The following SF3B3 variants were observed in gnomAD, a reference collection of about 807,000 sequenced individuals.
SF3B3 encodes splicing factor 3b subunit 3, also known as SAP 130.
Under a neutral mutation model 139.2 loss-of-function variants are expected in SF3B3, and 33 were observed. The observed-to-expected ratio is 0.24, with a 90% CI of 0.18 to 0.32. The LOEUF (loss-of-function observed/expected upper bound fraction) is 0.32. Ranked by LOEUF, SF3B3 falls within the 10% of genes least tolerant of loss-of-function variation. The pLI is 1.00. For missense variants in SF3B3, 818 were observed against 1,509.4 expected (o/e 0.54, Z 7.59); for synonymous variants, 596 against 563.6 (o/e 1.06, Z -0.81).
At chr16:70,558,615 G>C (rs998607121) in intron 15 of SF3B3, among the ~76,000 whole-genome samples, 39 of 151,842 alleles carry the variant, frequency 2.6e-4, no homozygotes, top group Non-Finnish European at 2.9e-5. Flanking sequence ...TTTCTTCCTT[G>C]ACACAGAGTC....
At chr16:70,560,246 AGT>A (rs1379868022) in intron 15 of SF3B3, 3 of 319,236 alleles carry the variant, frequency 9.4e-6, no homozygotes, top group East Asian at 6.3e-5. Flanking sequence ...GTGAAAAATA[AGT>A]GTGTATTTAC....
intron 17 of SF3B3, chr16:70,563,611 CT>C (rs1016639377): frequency 2.8e-6 from 1 of 359,454 alleles, no homozygotes; most frequent in Non-Finnish European, 5.0e-6. Flanking sequence ...TAAAAAAAAA[CT>C]TTTGACAATC....
At position 70,561,710 on chromosome 16, in the gene SF3B3, A is replaced by G. The variant is rs368913645; in HGVS notation, c.2214A>G (p.Thr738=). The G allele has an allele frequency of 2.5e-6, 4 of 1,613,726 alleles. No homozygotes were observed. Among genetic ancestry groups the G allele is most frequent in the South Asian group, 2.2e-5 (2 of 91,078 alleles). ...ATCTCACCCCACTGTCTTACGAGAC[A>G]CTGGAATTTGCATCGGGTTTTGCCT... is the stretch of plus-strand genomic sequence containing the variant. The part of the protein sequence containing the change: ...RFHLTPLSYE[T]LEFASGFASE... The change falls in exon 17 of 26, where the codon ACA becomes ACG. Residue 738 remains threonine, a synonymous_variant. Coordinates refer to ENST00000302516, the MANE Select transcript of SF3B3 (RefSeq NM_012426.5).
intron 13 of SF3B3, 80 bp downstream of exon 13, chr16:70,555,286 A>C: frequency 7.6e-7 from 1 of 1,308,174 alleles, no homozygotes; most frequent in South Asian, 1.2e-5. Context: ...AGTCATTTAG[A>C]TGATAGTATG....
intron 25 of SF3B3, among the ~76,000 whole-genome samples, 184 bp from the exon 26 acceptor site, chr16:70,571,489 C>G (rs968126977): frequency 6.6e-6 from 1 of 152,104 alleles, no homozygotes; most frequent in Admixed American, 6.6e-5. Flanking sequence ...AGGCTGAGCC[C>G]CAGATTTTGA....
At position 70,565,315 on chromosome 16, in the gene SF3B3, A is replaced by C. The variant is rs74026081; in HGVS notation, c.2669+45A>C. 2.7e-3 allele frequency: 4,336 copies of C among 1,613,426 alleles called. 121 individuals are homozygous for C. The African/African-American group carries it at 0.052, about 19-fold the overall frequency. On this transcript the variant is annotated intron_variant, in intron 19 of 25. Transcript: ENST00000302516. ...CCAGGGTTTGGCAGGCTGGAACAGGAGCTCTCTGAGTTTTGACTAAGGCCT... is the reference window on the plus strand; with the variant it reads ...CCAGGGTTTGGCAGGCTGGAACAGGCGCTCTCTGAGTTTTGACTAAGGCCT...
chr16:70,534,894 C>A (rs2050152290), intron 5 of SF3B3, among the ~76,000 whole-genome samples: 2 of 152,134 alleles, frequency 1.3e-5, no homozygotes, highest in African/African-American at 4.8e-5. Flanking sequence ...GTCTCGAACT[C>A]CTGACCTCAG....
chr16:70,531,021 A>T, intron 4 of SF3B3, 104 bp downstream of exon 4: 1 of 995,272 alleles, frequency 1.0e-6, no homozygotes. Context: ...TAATCCCAGC[A>T]CTTTGGGAGG....
At chr16:70,549,785 C>T (rs1406200239) in intron 11 of SF3B3, among the ~76,000 whole-genome samples, 1 of 151,848 alleles carries the variant, frequency 6.6e-6, no homozygotes, top group African/African-American at 2.4e-5. Flanking sequence ...ATTAGCTGGG[C>T]GTGGTGGTGC....
At chr16:70,567,051 CAAA>C (rs112267243) in intron 20 of SF3B3, among the ~76,000 whole-genome samples, 14 of 119,532 alleles carry the variant, frequency 1.2e-4, no homozygotes, top group African/African-American at 1.1e-4. Flanking sequence ...GACCCTGTCT[CAAA>C]AAAAAAAAAA....
chr16:70,526,777 T>C (rs757641897), intron 2 of SF3B3, 51 bp downstream of exon 2: 27 of 1,195,562 alleles, frequency 2.3e-5, no homozygotes, highest in Non-Finnish European at 3.4e-5. Context: ...TTAATACATA[T>C]CTTGCTTAGT....
chr16:70,570,506 A>G (rs1001729822), intron 24 of SF3B3, among the ~76,000 whole-genome samples: 29 of 151,408 alleles, frequency 1.9e-4, no homozygotes, highest in Admixed American at 7.9e-4. Context: ...AATTTTTTGT[A>G]TTTTTAATAG....
intron 9 of SF3B3, among the ~76,000 whole-genome samples, chr16:70,542,587 TG>T (rs2050229671): frequency 6.6e-6 from 1 of 152,200 alleles, no homozygotes; most frequent in Non-Finnish European, 1.5e-5. Context: ...CACTGGGTAC[TG>T]GGGAAACAAG....
chr16:70,554,331 A>C, intron 11 of SF3B3, 115 bp from the exon 12 acceptor site: 2 of 945,886 alleles, frequency 2.1e-6, no homozygotes, highest in South Asian at 1.5e-5. Context: ...GTGTGTAATA[A>C]CTACACATAG....
chr16:70,564,749 T>G (rs1045201722), intron 18 of SF3B3, among the ~76,000 whole-genome samples: 1 of 152,154 alleles, frequency 6.6e-6, no homozygotes. Flanking sequence ...ATCAGATGGG[T>G]TGGATAGAAA....
chr16:70,571,866 C>A lies in SF3B3; in HGVS notation c.*53C>A, dbSNP rs1731349954. 6.4e-7 allele frequency: 1 copy of A among 1,561,136 alleles called. No homozygotes were observed. Among genetic ancestry groups the A allele is most frequent in the Non-Finnish European group, 8.7e-7 (1 of 1,154,874 alleles). On this transcript the variant is annotated 3_prime_UTR_variant, in exon 26 of 26. Coordinates refer to ENST00000302516, the MANE Select transcript of SF3B3 (RefSeq NM_012426.5). The stretch of plus-strand genomic sequence containing the variant: ...GAGACTGTGTGTTTTGTTTCCCCCA[C>A]CACCATCACTGCCACCTGGCTTCTG...
intron 13 of SF3B3, among the ~76,000 whole-genome samples, chr16:70,555,413 A>C (rs950037114): frequency 2.2e-5 from 3 of 138,104 alleles, no homozygotes; most frequent in African/African-American, 8.2e-5. Context: ...CGGGAGGCAG[A>C]GGTTGCGGTG....
At chr16:70,532,976 C>G (rs1445953387) in intron 5 of SF3B3, among the ~76,000 whole-genome samples, 2 of 152,082 alleles carry the variant, frequency 1.3e-5, no homozygotes, top group African/African-American at 2.4e-5. Context: ...TGGACAGACC[C>G]CACAAGATGG....
chr16:70,564,189 A>G, intron 18 of SF3B3, 139 bp downstream of exon 18: 1 of 775,390 alleles, frequency 1.3e-6, no homozygotes, highest in African/African-American at 1.8e-5. Context: ...TGGGCAACAT[A>G]GCAAAACTGC....
Sources: gnomAD v4.1 joint callset for allele counts (sites outside exome capture counted in the v4.1 genomes callset) on GRCh38, gnomAD v4.1.1 for gene constraint, MANE v1.5 for transcripts, NCBI Gene and HGNC (gene_info 2026-07-23, HGNC 2026-07-21) for gene names.